RTN4: variants seen among roughly 807,000 people sequenced by gnomAD.
RTN4 encodes reticulon-4.
A neutral mutation model predicts 90.4 loss-of-function variants in RTN4; 32 were observed. The ratio of observed to expected loss-of-function variants is 0.35; its 90% CI spans 0.27 to 0.48. The LOEUF (loss-of-function observed/expected upper bound fraction) is 0.48. Ranked by LOEUF, RTN4 falls within the 20% of genes least tolerant of loss-of-function variation. The probability of loss-of-function intolerance (pLI) is 0.99; values close to 1 mark genes in which losing one functional copy is unlikely to be tolerated. For missense variants in RTN4, 1,706 were observed against 1,430.2 expected (o/e 1.19, Z -3.11); for synonymous variants, 629 against 552.5 (o/e 1.14, Z -1.94).
chr2:55,107,580 G>A (rs1667965988), intron 1 of RTN4, among the ~76,000 whole-genome samples: 1 of 151,948 alleles, frequency 6.6e-6, no homozygotes, highest in East Asian at 1.9e-4. Flanking sequence ...ATCCAAAGAA[G>A]CTCTTATTTG....
At chr2:55,012,157 G>C (rs552725143) in intron 3 of RTN4, among the ~76,000 whole-genome samples, 2 of 152,296 alleles carry the variant, frequency 1.3e-5, no homozygotes, top group East Asian at 1.9e-4. Context: ...GTTTTACTGT[G>C]ATCAAGTTAC....
intron 2 of RTN4, among the ~76,000 whole-genome samples, chr2:55,068,344 G>C (rs1401231876): frequency 1.3e-5 from 2 of 152,030 alleles, no homozygotes; most frequent in East Asian, 1.9e-4. Flanking sequence ...TCAGTACATA[G>C]ACTTATTGAT....
chr2:55,054,022 G>A (rs1668147087), upstream of RTN4, among the ~76,000 whole-genome samples: 1 of 152,128 alleles, frequency 6.6e-6, no homozygotes, highest in South Asian at 2.1e-4. Flanking sequence ...TACATTATTA[G>A]GGTGATGGAT....
At chr2:55,082,753 G>A (rs1187047081) in intron 1 of RTN4, among the ~76,000 whole-genome samples, 3 of 152,128 alleles carry the variant, frequency 2.0e-5, no homozygotes, top group Non-Finnish European at 4.4e-5. Flanking sequence ...TGCCTCCTAT[G>A]TACCAGGTGC....
rs560251929 is a variant in RTN4 at position 55,093,079 on chromosome 2, T to C, written c.-213-12440A>G. Among the ~76,000 whole-genome samples the C allele has an allele frequency of 9.5e-4, 144 of 152,354 alleles. 1 individual carries two copies. The highest frequency in any genetic ancestry group is 3.4e-3 in the African/African-American group (140 of 41,582). The stretch of plus-strand genomic sequence containing the variant: ...GTAAAATATCAGAAGATAAGAGCCT[T>C]GCATTGTTCTAAGAGCTGCTTGAAA... On this transcript the variant is annotated intron_variant, in intron 1 of 3. Coordinates refer to the RTN4 transcript ENST00000427710.
At chr2:54,973,896 A>G in intron 6 of RTN4, 29 bp from the exon 7 acceptor site, 1 of 1,591,760 alleles carries the variant, frequency 6.3e-7, no homozygotes, top group South Asian at 1.1e-5. Flanking sequence ...AACTTTTCAA[A>G]AAGAACGGAA....
At chr2:55,008,231 T>C (rs1680381164) in intron 3 of RTN4, among the ~76,000 whole-genome samples, 1 of 151,612 alleles carries the variant, frequency 6.6e-6, no homozygotes, top group African/African-American at 2.4e-5. Flanking sequence ...CACTATGCTA[T>C]ACTGGTGGTC....
intron 2 of RTN4, among the ~76,000 whole-genome samples, chr2:55,078,783 T>C (rs17347264): frequency 1.5e-3 from 228 of 152,254 alleles, no homozygotes; most frequent in South Asian, 3.9e-3. Flanking sequence ...AGACGGAGAA[T>C]GTGAAATTTG....
At chr2:55,086,020 A>G (rs979458717) in intron 1 of RTN4, among the ~76,000 whole-genome samples, 1 of 152,244 alleles carries the variant, frequency 6.6e-6, no homozygotes, top group Admixed American at 6.5e-5. Context: ...AGAGCCAACA[A>G]GAGTCAGATC....
chr2:55,095,951 G>C (rs991045399), intron 1 of RTN4, among the ~76,000 whole-genome samples: 2 of 152,168 alleles, frequency 1.3e-5, no homozygotes, highest in Admixed American at 1.3e-4. Flanking sequence ...TTTATCTGAT[G>C]CTTTTCTCCT....
intron 1 of RTN4, among the ~76,000 whole-genome samples, chr2:55,095,901 G>T (rs1397118624): frequency 2.0e-5 from 3 of 152,084 alleles, no homozygotes; most frequent in African/African-American, 7.2e-5. Flanking sequence ...TTTTGAGCAG[G>T]GACTGATCAG....
At chr2:55,102,422 C>A (rs1371997562) in intron 1 of RTN4, among the ~76,000 whole-genome samples, 1 of 152,074 alleles carries the variant, frequency 6.6e-6, no homozygotes, top group Non-Finnish European at 1.5e-5. Flanking sequence ...GCAAAACAGC[C>A]ATAAACTACA....
intron 1 of RTN4, among the ~76,000 whole-genome samples, 164 bp from the exon 2 acceptor site, chr2:55,028,384 T>C (rs1682065341): frequency 6.6e-6 from 1 of 152,198 alleles, no homozygotes; most frequent in South Asian, 2.1e-4. Context: ...GTACCATTAA[T>C]TCAGGTTAAA....
intron 3 of RTN4, among the ~76,000 whole-genome samples, chr2:54,990,456 TA>T (rs1678913193): frequency 1.3e-5 from 2 of 152,348 alleles, no homozygotes; most frequent in Admixed American, 1.3e-4. Flanking sequence ...TTTTCATTAG[TA>T]AGATAATTAA....
At chr2:55,111,743 T>C (rs975653540) in intron 1 of RTN4, among the ~76,000 whole-genome samples, 38 of 152,136 alleles carry the variant, frequency 2.5e-4, no homozygotes, top group Admixed American at 2.4e-3. Context: ...GAGTAAGTGT[T>C]GAAAAAACGT....
At chr2:55,128,957 A>T in the RTN4 span, among the ~76,000 whole-genome samples, 7 of 151,848 alleles carry the variant, frequency 4.6e-5, no homozygotes, top group Non-Finnish European at 5.9e-5. Flanking sequence ...AAATACAAAA[A>T]ATTAGCCAGG....
chr2:55,103,132 A>G (rs963799124), intron 1 of RTN4, among the ~76,000 whole-genome samples: 1 of 151,300 alleles, frequency 6.6e-6, no homozygotes, highest in Admixed American at 6.6e-5. Flanking sequence ...AAAAGGAAGT[A>G]TATTTTTAAA....
At chr2:55,089,828 G>C (rs1012055422) in intron 1 of RTN4, among the ~76,000 whole-genome samples, 2 of 152,222 alleles carry the variant, frequency 1.3e-5, no homozygotes, top group African/African-American at 2.4e-5. Flanking sequence ...CTTGTCACTG[G>C]CCTCTCCAGG....
chr2:55,091,146 G>C (rs1668928580), intron 1 of RTN4, among the ~76,000 whole-genome samples: 1 of 152,188 alleles, frequency 6.6e-6, no homozygotes, highest in African/African-American at 2.4e-5. Context: ...GTAGCAGCCA[G>C]AAAGGGGTGT....
Sources: allele counts gnomAD v4.1 joint callset (sites outside exome capture counted in the v4.1 genomes callset), GRCh38; gene constraint gnomAD v4.1.1; transcripts MANE v1.5; gene names NCBI Gene and HGNC (gene_info 2026-07-23, HGNC 2026-07-21).